SMYD3: variants seen among roughly 807,000 people sequenced by gnomAD.
The protein encoded by SMYD3 is histone-lysine N-methyltransferase SMYD3.
SMYD3 carries 36 observed loss-of-function variants against 57.7 expected under a neutral mutation model. The ratio of observed to expected loss-of-function variants is 0.62; its 90% CI spans 0.48 to 0.82. SMYD3 has a LOEUF of 0.82. SMYD3 is among the 40% of genes least tolerant of loss of function. SMYD3 has a pLI of 0.00. For synonymous variants in SMYD3, 211 were observed against 195.0 expected (o/e 1.08, Z -0.68); for missense variants, 515 against 538.8 (o/e 0.96, Z 0.44).
chr1:246,439,117 T>C (rs1460261363), intron 1 of SMYD3, among the ~76,000 whole-genome samples: 1 of 101,874 alleles, frequency 9.8e-6, no homozygotes, highest in Admixed American at 1.0e-4. Context: ...GGGGGGGGGG[T>C]TCCCAATTTT....
In SMYD3 at chr1:246,193,092, CAT is replaced by C. The variant is rs2062767083; in HGVS notation, c.531+134107_531+134108del. Reference sequence around the variant, plus strand: ...TACATTCTAGTTAAACCCAATAAAACATGTGAAGACAAAAGTATTCCTCATTA... The same window carrying C: ...TACATTCTAGTTAAACCCAATAAAACGTGAAGACAAAAGTATTCCTCATTA... On this transcript the variant is annotated intron_variant, in intron 5 of 11. Coordinates refer to ENST00000490107, the MANE Select transcript of SMYD3 (RefSeq NM_001167740.2). Among the ~76,000 whole-genome samples, 4 of 152,182 alleles carry C rather than the reference CAT, an allele frequency of 2.6e-5. No homozygotes were observed. The South Asian group carries it at 8.3e-4, about 32-fold the overall frequency.
chr1:246,419,405 T>C (rs2067109104), intron 1 of SMYD3, among the ~76,000 whole-genome samples: 1 of 152,226 alleles, frequency 6.6e-6, no homozygotes, highest in Non-Finnish European at 1.5e-5. Flanking sequence ...CTTCCACCAA[T>C]GTGTTCCTCT....
At chr1:246,132,404 GAC>G (rs1558256323) in intron 5 of SMYD3, among the ~76,000 whole-genome samples, 1 of 152,056 alleles carries the variant, frequency 6.6e-6, no homozygotes, top group African/African-American at 2.4e-5. Flanking sequence ...TGGAGGAAAG[GAC>G]AGTCTTTTTG....
chr1:245,923,779 A>G (rs1246915987), intron 7 of SMYD3, among the ~76,000 whole-genome samples: 1 of 152,024 alleles, frequency 6.6e-6, no homozygotes, highest in African/African-American at 2.4e-5. Flanking sequence ...TCTTAATTCT[A>G]TTATTGTTTT....
intron 5 of SMYD3, among the ~76,000 whole-genome samples, chr1:246,030,898 A>T (rs2148261561): frequency 6.6e-6 from 1 of 152,274 alleles, no homozygotes; most frequent in South Asian, 2.1e-4. Context: ...CCCAAAATAG[A>T]ATCCCCCAGT....
At chr1:246,118,435 C>G (rs2061374047) in intron 5 of SMYD3, among the ~76,000 whole-genome samples, 1 of 152,174 alleles carries the variant, frequency 6.6e-6, no homozygotes, top group African/African-American at 2.4e-5. Flanking sequence ...TAAATCCCAT[C>G]AGGAAGTTGC....
chr1:246,498,649 T>A (rs1413415824), intron 1 of SMYD3, among the ~76,000 whole-genome samples: 1 of 145,896 alleles, frequency 6.9e-6, no homozygotes, highest in Non-Finnish European at 1.5e-5. Context: ...GAGAATAGTG[T>A]GAACCTGGGA....
intron 3 of SMYD3, among the ~76,000 whole-genome samples, chr1:246,333,934 C>T (rs2148670532): frequency 6.6e-6 from 1 of 152,084 alleles, no homozygotes; most frequent in African/African-American, 2.4e-5. Context: ...AGACACTTCT[C>T]AAAAGACAAC....
intron 5 of SMYD3, among the ~76,000 whole-genome samples, chr1:245,953,897 AC>A (rs2057746934): frequency 6.6e-6 from 1 of 152,378 alleles, no homozygotes; most frequent in Non-Finnish European, 1.5e-5. Flanking sequence ...AGCTCATTGT[AC>A]CTACAGAAAC....
At chr1:246,486,253 T>C (rs947119257) in intron 1 of SMYD3, among the ~76,000 whole-genome samples, 1 of 152,224 alleles carries the variant, frequency 6.6e-6, no homozygotes, top group Non-Finnish European at 1.5e-5. Flanking sequence ...AACGGCATCA[T>C]CAGAACCTGG....
At chr1:246,241,243 C>G (rs1250651907) in intron 5 of SMYD3, among the ~76,000 whole-genome samples, 1 of 152,114 alleles carries the variant, frequency 6.6e-6, no homozygotes, top group Non-Finnish European at 1.5e-5. Context: ...ATAAACAGTT[C>G]TTATTATTTA....
At chr1:246,407,441 G>A (rs762492872) in intron 1 of SMYD3, among the ~76,000 whole-genome samples, 4 of 152,226 alleles carry the variant, frequency 2.6e-5, no homozygotes, top group African/African-American at 4.8e-5. Flanking sequence ...GTAAGGCTGC[G>A]CCATGACCGC....
At chr1:246,189,102 A>G (rs1483447484) in intron 5 of SMYD3, 1 of 152,192 alleles carries the variant, frequency 6.6e-6, no homozygotes, top group African/African-American at 2.4e-5. Context: ...TTTTTAGTAT[A>G]TGTGCTGCTG....
At chr1:246,240,349 T>TC (rs1251400747) in intron 5 of SMYD3, among the ~76,000 whole-genome samples, 3 of 152,214 alleles carry the variant, frequency 2.0e-5, no homozygotes, top group Non-Finnish European at 4.4e-5. Flanking sequence ...AAATAGGGAA[T>TC]CTTTCCCCCA....
chr1:245,853,789 T>C (rs1347040252), intron 10 of SMYD3, among the ~76,000 whole-genome samples: 1 of 152,154 alleles, frequency 6.6e-6, no homozygotes, highest in African/African-American at 2.4e-5. Context: ...TGACAATCTC[T>C]CAGTTACAAA....
intron 10 of SMYD3, among the ~76,000 whole-genome samples, chr1:245,842,556 C>A (rs2050457109): frequency 6.6e-6 from 1 of 152,126 alleles, no homozygotes; most frequent in Admixed American, 6.5e-5. Context: ...AGCAAGCCGA[C>A]TTTGATAATA....
chr1:245,845,791 T>A (rs527696791), intron 10 of SMYD3, among the ~76,000 whole-genome samples: 1 of 152,218 alleles, frequency 6.6e-6, no homozygotes, highest in East Asian at 1.9e-4. Flanking sequence ...TTTACCATCT[T>A]TGAGTCGTTT....
chr1:246,315,036 G>C (rs975072459), intron 5 of SMYD3, among the ~76,000 whole-genome samples: 1 of 152,178 alleles, frequency 6.6e-6, no homozygotes, highest in African/African-American at 2.4e-5. Flanking sequence ...GAAGACTTCA[G>C]TTCTAGCTTT....
chr1:245,851,528 C>T (rs933168937), intron 10 of SMYD3, among the ~76,000 whole-genome samples: 1 of 152,138 alleles, frequency 6.6e-6, no homozygotes, highest in Middle Eastern at 3.2e-3. Flanking sequence ...AGGCCATATT[C>T]GACTTCTTGC....
Sources: gnomAD v4.1 joint callset for allele counts (sites outside exome capture counted in the v4.1 genomes callset) on GRCh38, gnomAD v4.1.1 for gene constraint, MANE v1.5 for transcripts, NCBI Gene and HGNC (gene_info 2026-07-23, HGNC 2026-07-21) for gene names.